Variants in RBFOX1 observed in about 807,000 individuals in gnomAD.
The protein encoded by RBFOX1 is RNA binding protein fox-1 homolog 1.
In RBFOX1, 8 loss-of-function variants were observed where a neutral mutation model predicts 57.7. That is an observed-to-expected ratio of 0.14 (90% CI 0.08 to 0.25). The LOEUF is 0.25. Ranked by LOEUF, RBFOX1 falls within the 10% of genes least tolerant of loss-of-function variation. The pLI, the probability that RBFOX1 is intolerant of heterozygous loss-of-function variation, is 1.00. For synonymous variants in RBFOX1, 326 were observed against 222.4 expected (o/e 1.47, Z -4.15); for missense variants, 611 against 548.5 (o/e 1.11, Z -1.14).
chr16:6,575,097 A>G (rs2153961849), intron 2 of RBFOX1, among the ~76,000 whole-genome samples: 1 of 151,518 alleles, frequency 6.6e-6, no homozygotes. Flanking sequence ...AGTTGCTTTG[A>G]GACATGGCCT....
intron 4 of RBFOX1, among the ~76,000 whole-genome samples, chr16:7,132,656 A>G (rs903072526): frequency 5.3e-5 from 8 of 152,158 alleles, no homozygotes; most frequent in South Asian, 4.1e-4. Flanking sequence ...GCCCTGAAAA[A>G]TAAGGGCAGC....
chr16:7,710,018 A>C, intron 15 of RBFOX1: 1 of 1,007,890 alleles, frequency 9.9e-7, no homozygotes, highest in South Asian at 4.3e-5. Context: ...CCTTGTAGCC[A>C]TTAAAACCAT....
At chr16:6,784,865 A>G (rs1370643645) in intron 3 of RBFOX1, among the ~76,000 whole-genome samples, 2 of 152,100 alleles carry the variant, frequency 1.3e-5, no homozygotes, top group South Asian at 2.1e-4. Context: ...AAAGAGTTGT[A>G]TAAGAGCTAA....
chr16:6,804,056 G>C (rs2086127388), intron 3 of RBFOX1, among the ~76,000 whole-genome samples: 1 of 151,794 alleles, frequency 6.6e-6, no homozygotes, highest in Non-Finnish European at 1.5e-5. Flanking sequence ...ACCCTGGCTA[G>C]AGTGCAATGA....
intron 4 of RBFOX1, among the ~76,000 whole-genome samples, chr16:7,109,936 T>C (rs1041427124): frequency 5.9e-5 from 9 of 152,038 alleles, no homozygotes; most frequent in African/African-American, 2.2e-4. Context: ...CAGACAAATA[T>C]ACAATTAAAA....
At chr16:6,499,078 T>C (rs2095849510) in intron 2 of RBFOX1, among the ~76,000 whole-genome samples, 2 of 152,240 alleles carry the variant, frequency 1.3e-5, no homozygotes, top group Non-Finnish European at 2.9e-5. Flanking sequence ...CACAACTGTG[T>C]TTATTCAGCT....
chr16:7,433,576 G>T (rs1470231617), intron 4 of RBFOX1, among the ~76,000 whole-genome samples: 1 of 152,238 alleles, frequency 6.6e-6, no homozygotes, highest in African/African-American at 2.4e-5. Context: ...GTCTTAAGGG[G>T]TTCATGTCAC....
At chr16:6,996,875 C>G (rs1302803019) in intron 3 of RBFOX1, among the ~76,000 whole-genome samples, 1 of 152,068 alleles carries the variant, frequency 6.6e-6, no homozygotes, top group Non-Finnish European at 1.5e-5. Context: ...AATAACACAT[C>G]TGTAGTCACA....
At position 6,170,837 on chromosome 16, in the gene RBFOX1, G is replaced by A. The variant is rs528033192; in HGVS notation, c.-126-146158G>A. Among the ~76,000 whole-genome samples the A allele has an allele frequency of 2.0e-4, 31 of 152,194 alleles. No individual in the cohort carries two copies. The South Asian group carries it at 5.8e-3, about 29-fold the overall frequency. ...GTACCGTTTATTAGTGAGAACATGC[G>A]GTATTTGGTTTTCTGTTCCTGCCTT... On this transcript the variant is annotated intron_variant, in intron 1 of 15. Transcript: ENST00000550418.
intron 5 of RBFOX1, among the ~76,000 whole-genome samples, chr16:7,541,791 C>G (rs546657475): frequency 6.6e-6 from 1 of 152,308 alleles, no homozygotes; most frequent in South Asian, 2.1e-4. Flanking sequence ...GTCTCTGTTT[C>G]TTCCTCTGGC....
At position 7,206,385 on chromosome 16, in the gene RBFOX1, AT is replaced by A; in HGVS notation, c.27+154292del. On this transcript the variant is annotated intron_variant, in intron 4 of 15. Transcript: ENST00000550418. ...TACCCCTTATAAATACACTACATGC[AT>A]TTTTAGCAATTAGAATATTTACTTA... 1.3e-5 allele frequency among the ~76,000 whole-genome samples: 2 copies of A among 151,974 alleles called. 1 individual carries two copies. The highest frequency in any genetic ancestry group is 2.9e-5 in the Non-Finnish European group (2 of 67,994).
intron 10 of RBFOX1, among the ~76,000 whole-genome samples, chr16:7,612,259 T>G (rs1357269524): frequency 2.2e-5 from 3 of 138,604 alleles, no homozygotes; most frequent in Non-Finnish European, 4.5e-5. Context: ...AGGCGGAGCT[T>G]GCAGTGAGCC....
At chr16:6,967,223 C>A (rs560153788) in intron 3 of RBFOX1, among the ~76,000 whole-genome samples, 2 of 152,240 alleles carry the variant, frequency 1.3e-5, no homozygotes, top group South Asian at 2.1e-4. Context: ...CATCCATCAT[C>A]CATTTGTTTA....
At chr16:6,555,821 C>T (rs779125010) in intron 2 of RBFOX1, among the ~76,000 whole-genome samples, 1 of 152,182 alleles carries the variant, frequency 6.6e-6, no homozygotes, top group Non-Finnish European at 1.5e-5. Flanking sequence ...CTTGCCTATT[C>T]TAGACATTTT....
At chr16:5,929,789 T>C (rs747748269) in intron 4 of RBFOX1, among the ~76,000 whole-genome samples, 2 of 151,748 alleles carry the variant, frequency 1.3e-5, no homozygotes, top group East Asian at 3.9e-4. Context: ...CACGCTGGGA[T>C]GGGATGTGAA....
At chr16:5,397,875 G>A (rs550249753) in intron 1 of RBFOX1, among the ~76,000 whole-genome samples, 1 of 152,312 alleles carries the variant, frequency 6.6e-6, no homozygotes, top group African/African-American at 2.4e-5. Context: ...ACATTGAATT[G>A]TCCTATGTTC....
chr16:5,661,108 G>A (rs1197170896), intron 3 of RBFOX1, among the ~76,000 whole-genome samples: 1 of 152,144 alleles, frequency 6.6e-6, no homozygotes, highest in Admixed American at 6.6e-5. Flanking sequence ...GGAAAAGAAA[G>A]GAAACTTAAA....
At chr16:6,042,428 G>C (rs774290509) in intron 1 of RBFOX1, among the ~76,000 whole-genome samples, 1 of 152,078 alleles carries the variant, frequency 6.6e-6, no homozygotes, top group Non-Finnish European at 1.5e-5. Context: ...GGTTCTCCGT[G>C]ATTATACTGG....
chr16:6,150,477 T>A (rs543507324), intron 1 of RBFOX1, among the ~76,000 whole-genome samples: 1 of 152,048 alleles, frequency 6.6e-6, no homozygotes, highest in South Asian at 2.1e-4. Context: ...AAAAAAAAAA[T>A]AAGATAAAAT....
Sources: gnomAD v4.1 joint callset for allele counts (sites outside exome capture counted in the v4.1 genomes callset) on GRCh38, gnomAD v4.1.1 for gene constraint, MANE v1.5 for transcripts, NCBI Gene and HGNC (gene_info 2026-07-23, HGNC 2026-07-21) for gene names.